The following CDH18 variants were observed in gnomAD, a reference collection of about 807,000 sequenced individuals.
CDH18 encodes the protein cadherin-18.
In CDH18, 31 loss-of-function variants were observed where a neutral mutation model predicts 67.9. That is an observed-to-expected ratio of 0.46 (90% CI 0.34 to 0.62). The LOEUF (loss-of-function observed/expected upper bound fraction) is 0.62, where lower values mean the gene tolerates loss of function less well. Ranked by LOEUF, CDH18 falls within the 20% of genes least tolerant of loss-of-function variation. The pLI, the probability that CDH18 is intolerant of heterozygous loss-of-function variation, is 0.01. For synonymous variants in CDH18, 362 were observed against 347.2 expected (o/e 1.04, Z -0.48); for missense variants, 890 against 975.5 (o/e 0.91, Z 1.17).
At chr5:20,069,778 A>C (rs920656974) in intron 2 of CDH18, among the ~76,000 whole-genome samples, 2 of 152,170 alleles carry the variant, frequency 1.3e-5, no homozygotes, top group African/African-American at 4.8e-5. Context: ...ATTCAGAGAA[A>C]GGTACAGAGA....
chr5:20,406,327 G>A (rs1271541088), intron 1 of CDH18, among the ~76,000 whole-genome samples: 3 of 151,656 alleles, frequency 2.0e-5, no homozygotes, highest in Non-Finnish European at 2.9e-5. Flanking sequence ...GCAAACTATC[G>A]CAAAGACAAA....
At chr5:19,892,033 T>C (rs1389795688) in intron 2 of CDH18, among the ~76,000 whole-genome samples, 1 of 152,080 alleles carries the variant, frequency 6.6e-6, no homozygotes. Context: ...TTGTGGGAAA[T>C]GAGGATGAGT....
At chr5:19,931,109 T>TA (rs1192408367) in intron 2 of CDH18, among the ~76,000 whole-genome samples, 2 of 151,980 alleles carry the variant, frequency 1.3e-5, no homozygotes, top group Admixed American at 1.3e-4. Flanking sequence ...GTATAGCATT[T>TA]AAAAAAATTA....
At chr5:20,068,153 A>G (rs77798413) in intron 2 of CDH18, among the ~76,000 whole-genome samples, 1,749 of 152,272 alleles carry the variant, frequency 0.011, 38 homozygotes, top group African/African-American at 0.04. Flanking sequence ...AAAAGCTGCC[A>G]TGAAATTAAA....
At chr5:20,154,832 C>T (rs1169917343) in intron 2 of CDH18, among the ~76,000 whole-genome samples, 2 of 152,142 alleles carry the variant, frequency 1.3e-5, no homozygotes, top group African/African-American at 2.4e-5. Context: ...CTCATTAATG[C>T]CCTGACTTCA....
intron 5 of CDH18, among the ~76,000 whole-genome samples, chr5:19,644,610 T>C (rs1754472399): frequency 6.6e-6 from 1 of 152,152 alleles, no homozygotes; most frequent in South Asian, 2.1e-4. Flanking sequence ...GATATAATTA[T>C]ACTAAGAAAG....
intron 4 of CDH18, among the ~76,000 whole-genome samples, chr5:19,733,536 A>G (rs1767895199): frequency 6.6e-6 from 1 of 152,068 alleles, no homozygotes; most frequent in Admixed American, 6.5e-5. Context: ...AACTATCAGT[A>G]TGACCTCATT....
At chr5:19,524,927 A>T (rs1051614316) in intron 9 of CDH18, among the ~76,000 whole-genome samples, 3 of 152,046 alleles carry the variant, frequency 2.0e-5, no homozygotes, top group African/African-American at 7.2e-5. Flanking sequence ...TTGTGTTTTT[A>T]GTAGAGACGG....
intron 2 of CDH18, among the ~76,000 whole-genome samples, chr5:20,084,630 T>C (rs1744791429): frequency 6.6e-6 from 1 of 152,214 alleles, no homozygotes; most frequent in Admixed American, 6.5e-5. Context: ...AGCAAACTTG[T>C]GCCTGGACAT....
intron 1 of CDH18, among the ~76,000 whole-genome samples, chr5:20,299,654 G>C (rs370704885): frequency 6.6e-6 from 1 of 151,378 alleles, no homozygotes; most frequent in Non-Finnish European, 1.5e-5. Context: ...AGCTACTCTG[G>C]AGGCTGAGGC....
At position 19,637,070 on chromosome 5, in the gene CDH18, A is replaced by G. The variant is rs538259759; in HGVS notation, c.644-24469T>C. On this transcript the variant is annotated intron_variant, in intron 5 of 12. Coordinates refer to ENST00000382275, the MANE Select transcript of CDH18 (RefSeq NM_004934.5). ...TTACTCCTCAGGGAAAAATTAAACT[A>G]GTGCTTTTGGAAATCTATATATCGC... Among the ~76,000 whole-genome samples, 147 of 152,168 alleles carry G rather than the reference A, an allele frequency of 9.7e-4. 1 individual carries two copies. The highest frequency in any genetic ancestry group is 3.4e-3 in the African/African-American group (140 of 41,534).
intron 5 of CDH18, among the ~76,000 whole-genome samples, chr5:19,624,023 T>C (rs1406020162): frequency 6.8e-6 from 1 of 147,656 alleles, no homozygotes; most frequent in African/African-American, 2.5e-5. Context: ...ATTATTATTA[T>C]TGAGATGGAG....
At chr5:19,979,215 AGT>A (rs113093535) in intron 2 of CDH18, among the ~76,000 whole-genome samples, 2,241 of 146,974 alleles carry the variant, frequency 0.015, 45 homozygotes, top group South Asian at 0.057. Flanking sequence ...GTGGGGATGG[AGT>A]GTGTGTGTGT....
intron 5 of CDH18, among the ~76,000 whole-genome samples, chr5:19,690,075 G>A (rs367739080): frequency 3.5e-5 from 5 of 140,900 alleles, no homozygotes; most frequent in Non-Finnish European, 8.0e-5. Context: ...TATTATATAT[G>A]TGTGTGTGTA....
At chr5:19,482,756 G>A (rs761409650) in intron 12 of CDH18, among the ~76,000 whole-genome samples, 7 of 151,984 alleles carry the variant, frequency 4.6e-5, no homozygotes, top group Non-Finnish European at 1.0e-4. Context: ...CACGTGAAGG[G>A]GAAAAAGCAC....
At chr5:20,559,348 T>C (rs1321637141) in intron 1 of CDH18, among the ~76,000 whole-genome samples, 2 of 152,032 alleles carry the variant, frequency 1.3e-5, no homozygotes, top group East Asian at 3.9e-4. Context: ...AAGCAGGTAG[T>C]ATGGGATCAC....
intron 2 of CDH18, among the ~76,000 whole-genome samples, chr5:19,921,016 T>C (rs931411880): frequency 6.6e-6 from 1 of 151,878 alleles, no homozygotes; most frequent in Non-Finnish European, 1.5e-5. Flanking sequence ...GATACTTGGT[T>C]AGTCATGTAC....
At chr5:20,023,531 C>T (rs1328110782) in intron 2 of CDH18, among the ~76,000 whole-genome samples, 4 of 151,770 alleles carry the variant, frequency 2.6e-5, no homozygotes, top group South Asian at 4.2e-4. Context: ...TGGTGGCGGG[C>T]ACCTGTACTC....
intron 1 of CDH18, among the ~76,000 whole-genome samples, chr5:20,368,665 T>G (rs529750300): frequency 6.6e-6 from 1 of 152,322 alleles, no homozygotes; most frequent in South Asian, 2.1e-4. Flanking sequence ...TGATAAATTT[T>G]AGCTTTCAAA....
Sources: gnomAD v4.1 joint callset for allele counts (sites outside exome capture counted in the v4.1 genomes callset) on GRCh38, gnomAD v4.1.1 for gene constraint, MANE v1.5 for transcripts, NCBI Gene and HGNC (gene_info 2026-07-23, HGNC 2026-07-21) for gene names.